Variants in TRIM16 observed in about 807,000 individuals in gnomAD.
TRIM16 encodes the protein tripartite motif containing 16, also known as tripartite motif-containing protein 16.
TRIM16 carries 33 observed loss-of-function variants against 50.4 expected under a neutral mutation model. The ratio of observed to expected loss-of-function variants is 0.65; its 90% CI spans 0.50 to 0.88. The LOEUF (loss-of-function observed/expected upper bound fraction) is 0.88, where lower values mean the gene tolerates loss of function less well. Ranked by LOEUF, TRIM16 falls within the 40% of genes least tolerant of loss-of-function variation. The pLI is 0.00. For missense variants in TRIM16, 581 were observed against 686.8 expected (o/e 0.85, Z 1.72); for synonymous variants, 229 against 270.7 (o/e 0.85, Z 1.51).
At chr17:15,679,431 G>C (rs953270410) in intron 4 of TRIM16, among the ~76,000 whole-genome samples, 7 of 152,228 alleles carry the variant, frequency 4.6e-5, no homozygotes, top group Non-Finnish European at 7.4e-5. Flanking sequence ...AAAGCAAACT[G>C]TTTCTAGATC....
At chr17:15,634,643 A>AAC (rs1272295731) in intron 9 of TRIM16, among the ~76,000 whole-genome samples, 6 of 140,750 alleles carry the variant, frequency 4.3e-5, no homozygotes, top group Non-Finnish European at 7.6e-5. Flanking sequence ...AAAAAAAAAA[A>AAC]AAACAAATAA....
In TRIM16 at chr17:15,631,691, C is replaced by G; in HGVS notation, c.1039G>C (p.Val347Leu). ...TATTTGCGCTGAACAACGGCAGACA[C>G]TTGAGTTCTGATGTCATACTCCTCT... Reference protein sequence around the residue: ...KEEEYDIRTQVSAVVQRKYWT... With the variant: ...KEEEYDIRTQLSAVVQRKYWT... The change falls in exon 11 of 12, where the codon GTG becomes CTG. Residue 347 changes from valine to leucine, a missense_variant. Coordinates refer to ENST00000649191, the MANE Select transcript of TRIM16 (RefSeq NM_001348119.1). 6.2e-7 allele frequency: 1 copy of G among 1,613,932 alleles called. No homozygotes were observed. Among genetic ancestry groups the G allele is most frequent in the Non-Finnish European group, 8.5e-7 (1 of 1,179,852 alleles).
rs183729026 is a variant in TRIM16, at chr17:15,675,682, C to T, written c.-338+1494G>A. ...AGTGTGGGAAAGCCTTCAGTAGAAG[C>T]GCCCATGTTACCCAACATCAGAGGA... is the stretch of plus-strand genomic sequence containing the variant. On this transcript the variant is annotated intron_variant, in intron 6 of 11. Coordinates refer to ENST00000649191, the MANE Select transcript of TRIM16 (RefSeq NM_001348119.1). The T allele has an allele frequency of 4.5e-4, 83 of 184,188 alleles. 2 individuals are homozygous for T. Among genetic ancestry groups the T allele is most frequent in the African/African-American group, 1.8e-3 (74 of 41,798 alleles). 11.4% of individuals were successfully genotyped at this position (184,188 alleles called of 1,614,324 possible).
rs778444526 is a variant in TRIM16, at chr17:15,631,637, T to C, written c.1093A>G (p.Arg365Gly). 42 of 1,613,834 alleles carry C rather than the reference T, an allele frequency of 2.6e-5. No individual in the cohort carries two copies. The highest frequency in any genetic ancestry group is 3.6e-5 in the Non-Finnish European group (42 of 1,179,868). The change falls in exon 11 of 12, where the codon AGG (arginine) becomes GGG (glycine). Residue 365 changes from arginine to glycine, a missense_variant. Transcript: ENST00000649191. ...AACTTACATTGGAGGAACTGTTCCC[T>C]GGTGCTGGGCTCAGGTTTGGAAGTC... ...YWTSKPEPSTREQFLQYAYDI... is the reference protein window; with the variant it reads ...YWTSKPEPSTGEQFLQYAYDI...
chr17:15,651,451 C>T lies in TRIM16; in HGVS notation c.159G>A (p.Arg53=). The T allele has an allele frequency of 6.2e-7, 1 of 1,612,306 alleles. No homozygotes were observed. Among genetic ancestry groups the T allele is most frequent in the South Asian group, 1.1e-5 (1 of 90,934 alleles). Residue 53 remains arginine, a synonymous_variant, in exon 7 of 12, where the codon AGG becomes AGA. Transcript: ENST00000649191. ...EDVGSSEKLG[R]ETEEQDSDSA... ...AGTCGCTGTCCTGTTCCTCCGTCTC[C>T]CTGCCAAGCTTCTCCGAGGAGCCCA...
chr17:15,676,664 T>C (rs1162264093), intron 6 of TRIM16, among the ~76,000 whole-genome samples: 2 of 151,814 alleles, frequency 1.3e-5, no homozygotes, highest in Non-Finnish European at 3.0e-5. Flanking sequence ...CTCCATCTCC[T>C]GACCTCGTGA....
At chr17:15,652,056 A>C in intron 6 of TRIM16, 110 bp from the exon 7 acceptor site, 1 of 888,548 alleles carries the variant, frequency 1.1e-6, no homozygotes, top group African/African-American at 1.8e-5. Context: ...GTAAAATGTA[A>C]GGACTTCAAC....
At position 15,651,178 on chromosome 17, in the gene TRIM16, A is replaced by C; in HGVS notation, c.432T>G (p.Pro144=). Residue 144 remains proline (P), a synonymous_variant, in exon 7 of 12, where the codon CCT becomes CCG. Transcript: ENST00000649191. ...AGTCCTGGCAGATGCACTGCTGATC[A>C]GGGCAGCAGAAGGCAGACAGTGGGC... ...HHSPLSAFCC[P]DQQCICQDCC... 6.2e-7 allele frequency: 1 copy of C among 1,614,206 alleles called. No homozygotes were observed. Among genetic ancestry groups the C allele is most frequent in the Non-Finnish European group, 8.5e-7 (1 of 1,180,030 alleles).
At chr17:15,657,740 C>T (rs1216961816) in intron 6 of TRIM16, among the ~76,000 whole-genome samples, 1 of 152,162 alleles carries the variant, frequency 6.6e-6, no homozygotes, top group African/African-American at 2.4e-5. Flanking sequence ...CTGGAGTCTG[C>T]ATTCAACAGA....
intron 6 of TRIM16, among the ~76,000 whole-genome samples, chr17:15,671,864 A>T (rs1988744235): frequency 1.3e-5 from 2 of 152,194 alleles, no homozygotes; most frequent in Non-Finnish European, 1.5e-5. Flanking sequence ...TACAGTGGCC[A>T]AGAGGTGAGG....
intron 8 of TRIM16, among the ~76,000 whole-genome samples, chr17:15,640,499 G>T (rs1006385810): frequency 6.8e-6 from 1 of 148,108 alleles, no homozygotes; most frequent in East Asian, 2.0e-4. Context: ...CTGAGCAGGC[G>T]ACCAAGAGGG....
chr17:15,639,733 G>A (rs1327533235), intron 8 of TRIM16, among the ~76,000 whole-genome samples: 1 of 149,656 alleles, frequency 6.7e-6, no homozygotes, highest in Non-Finnish European at 1.5e-5. Flanking sequence ...GCTCTGGACT[G>A]TGGATGGGAG....
chr17:15,650,888 C>T (rs531862299), intron 7 of TRIM16, among the ~76,000 whole-genome samples: 12 of 152,226 alleles, frequency 7.9e-5, no homozygotes, highest in East Asian at 5.8e-4. Flanking sequence ...GAGATGGGGA[C>T]GGAGCAACCT....
chr17:15,663,223 T>TGGCCG (rs1316844306), intron 6 of TRIM16, among the ~76,000 whole-genome samples: 3 of 152,222 alleles, frequency 2.0e-5, no homozygotes, highest in African/African-American at 7.2e-5. Context: ...TGGCCTGGCC[T>TGGCCG]GGCAGGTAAC....
In TRIM16 at chr17:15,642,207, CT is replaced by C. The variant is rs769572050; in HGVS notation, c.615+513del. On this transcript the variant is annotated intron_variant, in intron 8 of 11. Transcript: ENST00000649191. ...CCACTGATGAGAGGCATTTGTAGAA[CT>C]CCTCAGAATCCACTTGGAGACCATT... Among the ~76,000 whole-genome samples, 121 of 148,910 alleles carry C rather than the reference CT, an allele frequency of 8.1e-4. 7 individuals carry two copies. The highest frequency in any genetic ancestry group is 1.5e-3 in the Admixed American group (22 of 15,016).
At chr17:15,665,285 G>C (rs1988438954) in intron 6 of TRIM16, among the ~76,000 whole-genome samples, 1 of 152,100 alleles carries the variant, frequency 6.6e-6, no homozygotes, top group Non-Finnish European at 1.5e-5. Flanking sequence ...GGCTGCGGCG[G>C]GCAGATCACG....
In TRIM16 at chr17:15,683,046, G is replaced by C. The variant is rs1192419796; in HGVS notation, c.-787C>G. 6.4e-7 allele frequency: 1 copy of C among 1,550,424 alleles called. No individual in the cohort carries two copies. On this transcript the variant is annotated 5_prime_UTR_variant, in exon 2 of 12. Transcript: ENST00000649191. ...ATTTCTATTTCTTACCTCTGTTCTG[G>C]AGTTTGCAGGTCCAATCCTCCATAA...
chr17:15,639,857 G>A (rs950981327), intron 8 of TRIM16, among the ~76,000 whole-genome samples: 1 of 148,890 alleles, frequency 6.7e-6, no homozygotes, highest in African/African-American at 2.5e-5. Flanking sequence ...TATAGGCTCT[G>A]CAGCCCTCTG....
At chr17:15,660,919 A>G (rs1171049929) in intron 6 of TRIM16, among the ~76,000 whole-genome samples, 2 of 151,502 alleles carry the variant, frequency 1.3e-5, no homozygotes, top group East Asian at 1.9e-4. Flanking sequence ...AAAAAAAAAA[A>G]AAAGAACACA....
Sources: gnomAD v4.1 joint callset for allele counts (sites outside exome capture counted in the v4.1 genomes callset) on GRCh38, gnomAD v4.1.1 for gene constraint, MANE v1.5 for transcripts, NCBI Gene and HGNC (gene_info 2026-07-23, HGNC 2026-07-21) for gene names.